PTPRO: variants seen among roughly 807,000 people sequenced by gnomAD.
PTPRO encodes the protein receptor-type tyrosine-protein phosphatase O.
In PTPRO, 62 loss-of-function variants were observed where a neutral mutation model predicts 145.2. The ratio of observed to expected loss-of-function variants is 0.43; its 90% CI spans 0.35 to 0.53. The LOEUF (loss-of-function observed/expected upper bound fraction) is 0.53, where lower values mean the gene tolerates loss of function less well. Ranked by LOEUF, PTPRO falls within the 20% of genes least tolerant of loss-of-function variation. PTPRO has a pLI of 0.01. For synonymous variants in PTPRO, 565 were observed against 514.7 expected, an observed-to-expected ratio of 1.10 and a Z score of -1.32; for missense variants, 1,345 against 1,482.7, an observed-to-expected ratio of 0.91 and a Z score of 1.53.
chr12:15,526,520 T>C (rs1022036058), intron 12 of PTPRO, among the ~76,000 whole-genome samples: 1 of 152,188 alleles, frequency 6.6e-6, no homozygotes, highest in Non-Finnish European at 1.5e-5. Flanking sequence ...TCATAGGATT[T>C]TGGAGATGGA....
chr12:15,433,749 G>T (rs1234497140), intron 1 of PTPRO, among the ~76,000 whole-genome samples: 2 of 152,128 alleles, frequency 1.3e-5, no homozygotes, highest in Non-Finnish European at 1.5e-5. Context: ...ATGCTGCTTT[G>T]GTTATTGTAG....
intron 7 of PTPRO, among the ~76,000 whole-genome samples, chr12:15,513,108 AAAGGAAGGAAGG>A (rs368163582): frequency 0.042 from 2,132 of 50,870 alleles, 230 homozygotes; most frequent in African/African-American, 0.13. Flanking sequence ...AGAAAGAAAG[AAAGGAAGGAAGG>A]AAGGAAGGAA....
At chr12:15,443,179 T>C (rs1344176263) in intron 1 of PTPRO, among the ~76,000 whole-genome samples, 2 of 152,030 alleles carry the variant, frequency 1.3e-5, no homozygotes, top group African/African-American at 2.4e-5. Flanking sequence ...TGCCATCTGA[T>C]GTGTAGAACA....
chr12:15,460,781 G>A (rs1941283013), intron 1 of PTPRO, among the ~76,000 whole-genome samples: 1 of 151,706 alleles, frequency 6.6e-6, no homozygotes, highest in Non-Finnish European at 1.5e-5. Context: ...GATATTCTTG[G>A]ACAGGACTCT....
At chr12:15,569,040 C>A (rs1943974979) in intron 18 of PTPRO, among the ~76,000 whole-genome samples, 1 of 152,134 alleles carries the variant, frequency 6.6e-6, no homozygotes, top group Non-Finnish European at 1.5e-5. Flanking sequence ...GTCAATAAAG[C>A]AAAACCATAA....
chr12:15,408,283 C>A (rs1939701377), intron 1 of PTPRO, among the ~76,000 whole-genome samples: 1 of 152,068 alleles, frequency 6.6e-6, no homozygotes, highest in Non-Finnish European at 1.5e-5. Flanking sequence ...CTATGGAAGG[C>A]TGCATTATCA....
intron 23 of PTPRO, among the ~76,000 whole-genome samples, chr12:15,583,499 A>ACACAC (rs1555095980): frequency 7.1e-6 from 1 of 141,054 alleles, no homozygotes; most frequent in Non-Finnish European, 1.6e-5. Context: ...ACACACACAC[A>ACACAC]AAAAAAATCA....
chr12:15,589,253 G>A (rs779960717), intron 24 of PTPRO, among the ~76,000 whole-genome samples: 12 of 152,042 alleles, frequency 7.9e-5, no homozygotes, highest in South Asian at 2.1e-4. Flanking sequence ...GCACATACCT[G>A]TAATCCCAGC....
intron 1 of PTPRO, among the ~76,000 whole-genome samples, chr12:15,374,478 T>A (rs932173383): frequency 3.9e-5 from 6 of 152,180 alleles, no homozygotes; most frequent in African/African-American, 1.2e-4. Context: ...CTTAAACCCT[T>A]GCCCCTCTCC....
Position 15,563,098 on chromosome 12 carries a change from C to A in PTPRO, c.2712-2495C>A, listed in dbSNP as rs1681834475. 2.6e-5 allele frequency among the ~76,000 whole-genome samples: 4 copies of A among 152,080 alleles called. No individual in the cohort carries two copies. The South Asian group carries it at 8.3e-4, about 31-fold the overall frequency. On this transcript the variant is annotated intron_variant, in intron 17 of 26. Coordinates refer to ENST00000281171, the MANE Select transcript of PTPRO (RefSeq NM_030667.3). Reference sequence around the variant, plus strand: ...GATGGCTTTCCAAGACTGTCATAACCATGGCTAATTTATGCAGAATGTATC... The same window carrying A: ...GATGGCTTTCCAAGACTGTCATAACAATGGCTAATTTATGCAGAATGTATC...
chr12:15,440,213 G>A, intron 1 of PTPRO: 3 of 657,756 alleles, frequency 4.6e-6, no homozygotes, highest in Non-Finnish European at 7.9e-6. Flanking sequence ...GGGCTGCACT[G>A]CCACCCTGGG....
chr12:15,384,217 C>T (rs1938952510), intron 1 of PTPRO, among the ~76,000 whole-genome samples: 2 of 152,056 alleles, frequency 1.3e-5, no homozygotes, highest in South Asian at 4.1e-4. Context: ...GGCCAGGGAG[C>T]TAGAATTTTA....
Position 15,515,634 on chromosome 12 carries a change from CAAG to C in PTPRO, c.1585+22_1585+24del. The C allele has an allele frequency of 6.2e-7, 1 of 1,613,930 alleles. No individual in the cohort carries two copies. Among genetic ancestry groups the C allele is most frequent in the Non-Finnish European group, 8.5e-7 (1 of 1,179,922 alleles). ...TTTGCTATTGGTAAGTTGCTAGCCA[CAAG>C]AAGAATGACTGACCTATATATTAGG... On this transcript the variant is annotated intron_variant, in intron 8 of 26. Coordinates refer to ENST00000281171, the MANE Select transcript of PTPRO (RefSeq NM_030667.3).
chr12:15,546,325 T>C, intron 12 of PTPRO: 3 of 1,331,646 alleles, frequency 2.3e-6, no homozygotes, highest in Non-Finnish European at 1.9e-6. Context: ...GAAACTGAAG[T>C]AGAAAACAGA....
rs554792411 is a variant in PTPRO, at chr12:15,370,563, A to T, written c.75+47762A>T. Among the ~76,000 whole-genome samples, 10 of 152,310 alleles carry T rather than the reference A, an allele frequency of 6.6e-5. No individual in the cohort carries two copies. The South Asian group carries it at 2.1e-3, about 32-fold the overall frequency. On this transcript the variant is annotated intron_variant, in intron 1 of 26. Transcript: ENST00000281171. The stretch of plus-strand genomic sequence containing the variant: ...CAAATTTCATTATAAATATCTAGGA[A>T]GGCTAAAACAATTCAGGCAAGGGGA...
chr12:15,445,067 A>C (rs2136367151), intron 1 of PTPRO, among the ~76,000 whole-genome samples: 1 of 152,278 alleles, frequency 6.6e-6, no homozygotes, highest in East Asian at 1.9e-4. Context: ...ATATTTACTG[A>C]TGTGCTGAGT....
At chr12:15,400,470 C>G (rs1021883842) in intron 1 of PTPRO, among the ~76,000 whole-genome samples, 16 of 152,168 alleles carry the variant, frequency 1.1e-4, no homozygotes, top group African/African-American at 3.4e-4. Flanking sequence ...GTCAGTGGCT[C>G]TGCATGCCAT....
intron 1 of PTPRO, among the ~76,000 whole-genome samples, chr12:15,364,181 T>C (rs1938291277): frequency 6.6e-6 from 1 of 152,182 alleles, no homozygotes; most frequent in South Asian, 2.1e-4. Flanking sequence ...AGTCTAGGAA[T>C]ATGATGTACG....
At chr12:15,425,311 C>T (rs1205648300) in intron 1 of PTPRO, among the ~76,000 whole-genome samples, 1 of 152,116 alleles carries the variant, frequency 6.6e-6, no homozygotes, top group African/African-American at 2.4e-5. Flanking sequence ...ATCTTCATAA[C>T]AATCCTATGG....
Sources: gnomAD v4.1 joint callset for allele counts (sites outside exome capture counted in the v4.1 genomes callset) on GRCh38, gnomAD v4.1.1 for gene constraint, MANE v1.5 for transcripts, NCBI Gene and HGNC (gene_info 2026-07-23, HGNC 2026-07-21) for gene names.